HS6ST2: variants seen among roughly 807,000 people sequenced by gnomAD.
HS6ST2 encodes heparan-sulfate 6-O-sulfotransferase 2.
A neutral mutation model predicts 33.0 loss-of-function variants in HS6ST2; 17 were observed. The ratio of observed to expected loss-of-function variants is 0.52; its 90% CI spans 0.35 to 0.77. HS6ST2 has a LOEUF of 0.77. Among genes scored for constraint, HS6ST2 ranks in the 30% least tolerant of loss-of-function variants. HS6ST2 has a pLI of 0.01. For missense variants in HS6ST2, 519 were observed against 551.7 expected (o/e 0.94, Z 0.59); for synonymous variants, 248 against 237.1 (o/e 1.05, Z -0.42).
In HS6ST2 at chrX:132,957,238, A is replaced by G; in HGVS notation, c.517T>C (p.Cys173Arg). 8.3e-7 allele frequency: 1 copy of G among 1,205,337 alleles called. No homozygotes were observed. The highest frequency in any genetic ancestry group is 1.1e-6 in the Non-Finnish European group (1 of 892,002). The change falls in exon 2 of 5, where the codon TGC becomes CGC. Residue 173 changes from cysteine (C) to arginine (R), a missense_variant. Physicochemically the swap from Cys to Arg is radical, Grantham distance 180. Transcript: ENST00000370833. ...AGGAGCTGGCATTCTGTGCCGGGGCACACGTATTGGAGGACGATCACGGCA... is the reference window on the plus strand; with the variant it reads ...AGGAGCTGGCATTCTGTGCCGGGGCGCACGTATTGGAGGACGATCACGGCA... ...LFAVIVLQYV[C>R]PGTECQLLRL...
chrX:132,725,463 C>G (rs1221848199), intron 2 of HS6ST2, among the ~76,000 whole-genome samples: 1 of 111,671 alleles, frequency 9.0e-6, no homozygotes, highest in Non-Finnish European at 1.9e-5. Context: ...ACAATAAGAT[C>G]TCATCTCACC....
chrX:132,684,075 C>T (rs1339046574), intron 3 of HS6ST2, among the ~76,000 whole-genome samples: 2 of 109,178 alleles, frequency 1.8e-5, no homozygotes, highest in Admixed American at 1.0e-4. Flanking sequence ...AAAAGAAACA[C>T]GCTGGATAAT....
chrX:132,628,813 C>T lies in HS6ST2; in HGVS notation c.1348G>A (p.Glu450Lys). Residue 450 changes from glutamate (E) to lysine (K), a missense_variant, in exon 5 of 5, where the codon GAA (glutamate) becomes AAA (lysine). By Grantham distance (56) the Glu-to-Lys change is moderately conservative. Transcript: ENST00000370833. ...VGCYNLSVMP[E>K]KQRNKVLLES... ...AGAAGGACCTTGTTTCTTTGCTTTT[C>T]AGGCATGACAGAGAGGTTGTAGCAG... 8.3e-7 allele frequency: 1 copy of T among 1,211,746 alleles called. No homozygotes were observed. Among genetic ancestry groups the T allele is most frequent in the Non-Finnish European group, 1.1e-6 (1 of 895,418 alleles).
intron 2 of HS6ST2, among the ~76,000 whole-genome samples, chrX:132,787,144 AGT>A (rs1175604271): frequency 1.3e-5 from 1 of 79,515 alleles, no homozygotes; most frequent in African/African-American, 5.0e-5. Flanking sequence ...TATACTCCAA[AGT>A]GTGTGTGTGT....
At chrX:132,922,020 C>T (rs1183403268) in intron 2 of HS6ST2, among the ~76,000 whole-genome samples, 3 of 112,366 alleles carry the variant, frequency 2.7e-5, no homozygotes, top group Non-Finnish European at 3.8e-5. Flanking sequence ...TATTGCCTTA[C>T]AAGTCAAATC....
chrX:132,923,602 C>T (rs1323235655), intron 2 of HS6ST2, among the ~76,000 whole-genome samples: 2 of 111,818 alleles, frequency 1.8e-5, no homozygotes, highest in African/African-American at 6.5e-5. Flanking sequence ...TTTGAGACAA[C>T]ATATTTTTCA....
At chrX:132,915,613 GAT>G (rs1452185235) in intron 2 of HS6ST2, among the ~76,000 whole-genome samples, 2 of 111,141 alleles carry the variant, frequency 1.8e-5, no homozygotes, top group South Asian at 7.8e-4. Context: ...TGATGATGAT[GAT>G]ATCCTCCTTG....
At chrX:132,756,246 T>C (rs1181029332) in intron 2 of HS6ST2, among the ~76,000 whole-genome samples, 1 of 111,975 alleles carries the variant, frequency 8.9e-6, no homozygotes, top group Non-Finnish European at 1.9e-5. Context: ...GAGGTGTACT[T>C]GTGGTTCTAA....
At chrX:132,808,475 G>A (rs1384433827) in intron 2 of HS6ST2, among the ~76,000 whole-genome samples, 1 of 111,625 alleles carries the variant, frequency 9.0e-6, no homozygotes, top group African/African-American at 3.3e-5. Context: ...TGGGCTCATG[G>A]CTCCACTTTC....
rs193128245 is a variant in HS6ST2, at chrX:132,920,210, T to G, written c.947+36598A>C. Among the ~76,000 whole-genome samples, 421 of 110,737 alleles carry G rather than the reference T, an allele frequency of 3.8e-3. 3 individuals carry two copies. Among genetic ancestry groups the G allele is most frequent in the Non-Finnish European group, 2.5e-3 (130 of 52,977 alleles). ...AGGATGCCTTCCTCTTCTTGTCTCC[T>G]GAAGTCTGGCCATCCCAGATACAGT... is the stretch of plus-strand genomic sequence containing the variant. On this transcript the variant is annotated intron_variant, in intron 2 of 4. Coordinates refer to ENST00000370833, the MANE Select transcript of HS6ST2 (RefSeq NM_001394073.1).
At chrX:132,644,448 G>GT (rs1158946036) in intron 4 of HS6ST2, among the ~76,000 whole-genome samples, 1 of 111,316 alleles carries the variant, frequency 9.0e-6, no homozygotes, top group Non-Finnish European at 1.9e-5. Context: ...AGGATATATA[G>GT]TTGGTCAGCA....
intron 4 of HS6ST2, among the ~76,000 whole-genome samples, chrX:132,649,879 T>C (rs1477176113): frequency 9.5e-6 from 1 of 105,617 alleles, no homozygotes; most frequent in Non-Finnish European, 1.9e-5. Flanking sequence ...AAAACACAAC[T>C]CCGAAGTAGG....
chrX:132,955,456 G>T (rs1219679748), intron 2 of HS6ST2, among the ~76,000 whole-genome samples: 2 of 112,210 alleles, frequency 1.8e-5, no homozygotes, highest in East Asian at 5.6e-4. Context: ...AAAGTCAGAG[G>T]GCTCTAGGGC....
intron 4 of HS6ST2, among the ~76,000 whole-genome samples, chrX:132,630,161 C>A (rs1392824712): frequency 8.9e-6 from 1 of 112,193 alleles, no homozygotes; most frequent in East Asian, 2.8e-4. Context: ...TGGGTTACCA[C>A]TCAGGTACAG....
At chrX:132,786,135 C>G (rs1296063092) in intron 2 of HS6ST2, among the ~76,000 whole-genome samples, 1 of 112,057 alleles carries the variant, frequency 8.9e-6, no homozygotes, top group African/African-American at 3.2e-5. Flanking sequence ...ACACTTAGAA[C>G]AGTGGCTGCC....
chrX:132,781,391 T>C (rs1297236572), intron 2 of HS6ST2, among the ~76,000 whole-genome samples: 1 of 111,350 alleles, frequency 9.0e-6, no homozygotes, highest in Non-Finnish European at 1.9e-5. Context: ...GGGTCTTCAA[T>C]GATGAGTTGA....
At chrX:132,771,131 T>A (rs991076701) in intron 2 of HS6ST2, among the ~76,000 whole-genome samples, 2 of 111,430 alleles carry the variant, frequency 1.8e-5, no homozygotes, top group African/African-American at 6.5e-5. Context: ...AAAATTAGGA[T>A]CACAATTTGT....
At position 132,664,410 on chromosome X, in the gene HS6ST2, A is replaced by C. The variant is rs753295516; in HGVS notation, c.1067+4703T>G. On this transcript the variant is annotated intron_variant, in intron 4 of 4. Transcript: ENST00000370833. The stretch of plus-strand genomic sequence containing the variant: ...TTATTTATGAAGCTATGTGCTCTTG[A>C]CTACTCTTATCTGGATACTACTGAA... 8.9e-5 allele frequency among the ~76,000 whole-genome samples: 10 copies of C among 112,109 alleles called. No individual in the cohort carries two copies. The East Asian group carries it at 2.8e-3, about 32-fold the overall frequency.
intron 2 of HS6ST2, among the ~76,000 whole-genome samples, chrX:132,802,898 C>T (rs1304378286): frequency 5.5e-5 from 6 of 110,024 alleles, no homozygotes; most frequent in Non-Finnish European, 9.5e-5. Flanking sequence ...CTGTAGTTAC[C>T]AAGCCAGGTT....
Sources: allele counts gnomAD v4.1 joint callset (sites outside exome capture counted in the v4.1 genomes callset), GRCh38; gene constraint gnomAD v4.1.1; transcripts MANE v1.5; gene names NCBI Gene and HGNC (gene_info 2026-07-23, HGNC 2026-07-21).